The following PDE1C variants were observed in gnomAD, a reference collection of about 807,000 sequenced individuals.
PDE1C encodes the protein dual specificity calcium/calmodulin-dependent 3',5'-cyclic nucleotide phosphodiesterase 1C.
In PDE1C, 62 loss-of-function variants were observed where a neutral mutation model predicts 93.1. The observed-to-expected ratio is 0.67, with a 90% CI of 0.54 to 0.82. The LOEUF is 0.82. Ranked by LOEUF, PDE1C falls within the 40% of genes least tolerant of loss-of-function variation. The pLI is 0.00. For synonymous variants in PDE1C, 325 were observed against 310.1 expected (o/e 1.05, Z -0.50); for missense variants, 742 against 884.6 (o/e 0.84, Z 2.04).
At chr7:31,802,693 C>A (rs1315844395) in intron 16 of PDE1C, among the ~76,000 whole-genome samples, 1 of 147,490 alleles carries the variant, frequency 6.8e-6, no homozygotes, top group African/African-American at 2.5e-5. Flanking sequence ...GCACAGAATT[C>A]TTTGTTGATT....
intron 1 of PDE1C, among the ~76,000 whole-genome samples, chr7:32,364,122 G>T (rs912846386): frequency 6.6e-6 from 1 of 152,224 alleles, no homozygotes; most frequent in South Asian, 2.1e-4. Context: ...TAAATGGAGT[G>T]TGGGTCTCCT....
At chr7:32,097,984 A>G (rs531145823) in intron 3 of PDE1C, among the ~76,000 whole-genome samples, 86 of 151,594 alleles carry the variant, frequency 5.7e-4, no homozygotes, top group Non-Finnish European at 1.0e-3. Context: ...TAATCCCAGC[A>G]CTTTGGGAGG....
chr7:31,933,504 C>A lies in PDE1C; in HGVS notation c.129-52644G>T, dbSNP rs113432449. 8.9e-3 allele frequency among the ~76,000 whole-genome samples: 1,361 copies of A among 152,220 alleles called. 21 individuals carry two copies. The highest frequency in any genetic ancestry group is 0.031 in the African/African-American group (1,275 of 41,524). ...TTAAATAACAGGTTTTTACACCAAC[C>A]ACAGCTAATAGGGCCCATTGCATAA... On this transcript the variant is annotated intron_variant, in intron 2 of 17. Transcript: ENST00000396191.
At chr7:32,298,604 G>C in intron 1 of PDE1C, 1 of 1,559,052 alleles carries the variant, frequency 6.4e-7, no homozygotes, top group Non-Finnish European at 8.7e-7. Context: ...CCACCGGAGA[G>C]GGCGTTTGCC....
At chr7:32,176,587 GATATTAGTAAC>G (rs1562550091) in intron 2 of PDE1C, among the ~76,000 whole-genome samples, 1 of 152,098 alleles carries the variant, frequency 6.6e-6, no homozygotes, top group Non-Finnish European at 1.5e-5. Flanking sequence ...AACTGTATGT[GATATTAGTAAC>G]ATAATTATAA....
At chr7:31,685,856 G>C in the PDE1C span, among the ~76,000 whole-genome samples, 1 of 152,092 alleles carries the variant, frequency 6.6e-6, no homozygotes, top group Non-Finnish European at 1.5e-5. Context: ...CTTCCCAGGA[G>C]GTCCCAATAA....
chr7:32,301,489 G>A (rs746079136), upstream of PDE1C, among the ~76,000 whole-genome samples: 17 of 152,244 alleles, frequency 1.1e-4, no homozygotes, highest in Non-Finnish European at 1.6e-4. Context: ...TAACTTGTCT[G>A]AATAATTAGA....
chr7:31,930,848 C>CAAAAAAAAAAAAAAAAAAA (rs56394903), intron 2 of PDE1C, among the ~76,000 whole-genome samples: 3 of 32,642 alleles, frequency 9.2e-5, no homozygotes, highest in African/African-American at 1.7e-4. Flanking sequence ...GACTCTGTCT[C>CAAAAAAAAAAAAAAAAAAA]AAAAAAAAAA....
chr7:32,354,515 C>T lies in PDE1C; in HGVS notation c.310+73307G>A, dbSNP rs1783994799. 2.6e-5 allele frequency among the ~76,000 whole-genome samples: 4 copies of T among 152,092 alleles called. No individual in the cohort carries two copies. The South Asian group carries it at 8.3e-4, about 32-fold the overall frequency. ...GCATGGTGATGCATACCTGTACTCC[C>T]AGCTACTTAGGAGGCCGAGACTGCA... On this transcript the variant is annotated intron_variant, in intron 1 of 1. Coordinates refer to the PDE1C transcript ENST00000672256.
At chr7:31,969,527 T>C (rs1044151577) in intron 2 of PDE1C, among the ~76,000 whole-genome samples, 5 of 152,160 alleles carry the variant, frequency 3.3e-5, no homozygotes, top group East Asian at 1.9e-4. Flanking sequence ...AATAGGAACA[T>C]TTTTACACTG....
At chr7:31,826,340 T>G (rs762813484) in intron 12 of PDE1C, among the ~76,000 whole-genome samples, 1 of 152,184 alleles carries the variant, frequency 6.6e-6, no homozygotes, top group Non-Finnish European at 1.5e-5. Flanking sequence ...CAAATACCAA[T>G]AGTATCGTGA....
chr7:31,800,671 T>C (rs1320188061), intron 16 of PDE1C, among the ~76,000 whole-genome samples: 11 of 151,510 alleles, frequency 7.3e-5, no homozygotes, highest in African/African-American at 2.7e-4. Context: ...ACCTTCTCTG[T>C]AGTCCTCCAA....
intron 16 of PDE1C, among the ~76,000 whole-genome samples, chr7:31,776,904 G>C (rs1441346632): frequency 6.7e-6 from 1 of 149,614 alleles, no homozygotes; most frequent in Non-Finnish European, 1.5e-5. Context: ...TATATGCAGA[G>C]GCCTGGTGTA....
chr7:31,927,365 G>A (rs1266686213), intron 2 of PDE1C, among the ~76,000 whole-genome samples: 3 of 152,194 alleles, frequency 2.0e-5, no homozygotes, highest in Non-Finnish European at 2.9e-5. Flanking sequence ...AGTTGTGGGT[G>A]CGGCTTTTAG....
chr7:32,378,680 C>A (rs1214432677), intron 1 of PDE1C, among the ~76,000 whole-genome samples: 2 of 152,158 alleles, frequency 1.3e-5, no homozygotes, highest in Non-Finnish European at 2.9e-5. Context: ...CTGGACCCAC[C>A]AACTAGACCC....
chr7:31,771,266 T>C (rs1193552359), intron 17 of PDE1C, among the ~76,000 whole-genome samples: 1 of 152,238 alleles, frequency 6.6e-6, no homozygotes, highest in Non-Finnish European at 1.5e-5. Context: ...TAACCTGCAC[T>C]TCCCTGCTTC....
At chr7:32,206,763 T>C (rs1805585223) in intron 2 of PDE1C, among the ~76,000 whole-genome samples, 1 of 152,224 alleles carries the variant, frequency 6.6e-6, no homozygotes, top group African/African-American at 2.4e-5. Flanking sequence ...CCACACCCGG[T>C]GGCTCTCGCC....
chr7:31,733,076 T>C, the PDE1C span, among the ~76,000 whole-genome samples: 3,267 of 152,324 alleles, frequency 0.021, 112 homozygotes, highest in African/African-American at 0.074. Flanking sequence ...GTTCCCTGGA[T>C]CAGGGTTAAA....
chr7:32,232,736 C>T (rs1807796888), intron 1 of PDE1C, among the ~76,000 whole-genome samples: 1 of 152,208 alleles, frequency 6.6e-6, no homozygotes, highest in African/African-American at 2.4e-5. Flanking sequence ...GCTTTATGAA[C>T]TGAGCTAATG....
Sources: gnomAD v4.1 joint callset for allele counts (sites outside exome capture counted in the v4.1 genomes callset) on GRCh38, gnomAD v4.1.1 for gene constraint, MANE v1.5 for transcripts, NCBI Gene and HGNC (gene_info 2026-07-23, HGNC 2026-07-21) for gene names.